SLC2A9: variants seen among roughly 807,000 people sequenced by gnomAD.
SLC2A9 encodes solute carrier family 2, facilitated glucose transporter member 9.
SLC2A9 carries 39 observed loss-of-function variants against 50.6 expected under a neutral mutation model. The observed-to-expected ratio is 0.77, with a 90% CI of 0.60 to 1.01. The LOEUF is 1.01. SLC2A9 is among the 50% of genes least tolerant of loss of function. The pLI is 0.00. For synonymous variants in SLC2A9, 324 were observed against 276.9 expected, an observed-to-expected ratio of 1.17 and a Z score of -1.69; for missense variants, 686 against 677.6, an observed-to-expected ratio of 1.01 and a Z score of -0.14.
intron 1 of SLC2A9, among the ~76,000 whole-genome samples, chr4:9,772,026 T>A (rs1716892909): frequency 6.6e-6 from 1 of 152,172 alleles, no homozygotes; most frequent in African/African-American, 2.4e-5. Flanking sequence ...AATTAGTGCA[T>A]TAATTTTTAT....
At chr4:9,866,241 T>A (rs1399024987) in intron 10 of SLC2A9, among the ~76,000 whole-genome samples, 2 of 150,980 alleles carry the variant, frequency 1.3e-5, no homozygotes, top group Non-Finnish European at 2.9e-5. Flanking sequence ...ATTATTAATA[T>A]TATTATTATT....
intron 10 of SLC2A9, among the ~76,000 whole-genome samples, chr4:9,835,815 G>A (rs1025541702): frequency 9.9e-5 from 15 of 152,184 alleles, no homozygotes; most frequent in African/African-American, 2.9e-4. Context: ...GGCCAGGCGC[G>A]GTGGCTCACA....
chr4:9,883,630 C>G (rs939096335), intron 10 of SLC2A9, among the ~76,000 whole-genome samples: 7 of 152,198 alleles, frequency 4.6e-5, no homozygotes, highest in African/African-American at 7.2e-5. Context: ...GCGGCAAGGA[C>G]TGGGCAAAGA....
At chr4:9,820,277 G>C (rs1724221598) in intron 3 of SLC2A9, among the ~76,000 whole-genome samples, 1 of 152,108 alleles carries the variant, frequency 6.6e-6, no homozygotes, top group East Asian at 1.9e-4. Context: ...ATTTTTGTGT[G>C]GGTCTATTTC....
chr4:9,916,509 G>A (rs13101683), intron 7 of SLC2A9, among the ~76,000 whole-genome samples: 2,168 of 152,302 alleles, frequency 0.014, 49 homozygotes, highest in Non-Finnish European at 0.02. Flanking sequence ...AGAAACAGTC[G>A]TGCTGATGAC....
At chr4:9,948,005 CT>C (rs1230177926) in intron 5 of SLC2A9, among the ~76,000 whole-genome samples, 2 of 152,112 alleles carry the variant, frequency 1.3e-5, no homozygotes, top group African/African-American at 4.8e-5. Flanking sequence ...TGTCCATCAC[CT>C]CGCCATACAG....
intron 2 of SLC2A9, 65 bp from the exon 3 acceptor site, chr4:9,997,006 T>G: frequency 6.3e-7 from 1 of 1,591,356 alleles, no homozygotes; most frequent in South Asian, 1.1e-5. Flanking sequence ...AGCAAGCCAG[T>G]GTACAAAACA....
At chr4:9,859,982 C>A (rs1006217760) in intron 10 of SLC2A9, among the ~76,000 whole-genome samples, 4 of 152,168 alleles carry the variant, frequency 2.6e-5, no homozygotes, top group Non-Finnish European at 5.9e-5. Flanking sequence ...AGAGCAAAAA[C>A]CTTCCTGCTG....
chr4:10,014,890 T>G (rs1762347044), intron 2 of SLC2A9, among the ~76,000 whole-genome samples: 1 of 152,096 alleles, frequency 6.6e-6, no homozygotes, highest in Admixed American at 6.6e-5. Context: ...ACATAAAACA[T>G]CAGGACCTTT....
At chr4:9,984,482 C>A (rs1406006490) in intron 4 of SLC2A9, among the ~76,000 whole-genome samples, 1 of 152,040 alleles carries the variant, frequency 6.6e-6, no homozygotes, top group East Asian at 1.9e-4. Flanking sequence ...TTATTATAGC[C>A]TTTTGAAGTA....
chr4:9,994,565 T>C (rs1487137346), intron 3 of SLC2A9, among the ~76,000 whole-genome samples: 2 of 11,366 alleles, frequency 1.8e-4, no homozygotes, highest in East Asian at 2.5e-3. Context: ...TTCCTTTTCC[T>C]TTTTTTTTTT....
intron 2 of SLC2A9, among the ~76,000 whole-genome samples, chr4:10,000,140 A>G (rs1759511923): frequency 6.6e-6 from 1 of 152,218 alleles, no homozygotes; most frequent in Non-Finnish European, 1.5e-5. Context: ...TATCTTACTC[A>G]TAGCACGGAG....
At chr4:9,794,574 G>A (rs1046636409), downstream of SLC2A9, among the ~76,000 whole-genome samples, 4 of 152,220 alleles carry the variant, frequency 2.6e-5, no homozygotes, top group African/African-American at 9.6e-5. Context: ...GAAGTGACAA[G>A]GTGGAGATTT....
At chr4:9,995,210 G>A (rs1050361458) in intron 3 of SLC2A9, among the ~76,000 whole-genome samples, 1 of 152,132 alleles carries the variant, frequency 6.6e-6, no homozygotes, top group African/African-American at 2.4e-5. Flanking sequence ...TGAGTGGCTG[G>A]AACCTTGAAG....
At chr4:9,817,423 G>A (rs930487291) in intron 3 of SLC2A9, among the ~76,000 whole-genome samples, 2 of 152,178 alleles carry the variant, frequency 1.3e-5, no homozygotes, top group African/African-American at 4.8e-5. Flanking sequence ...GAATCAAACA[G>A]ACAAGACTCC....
intron 6 of SLC2A9, among the ~76,000 whole-genome samples, chr4:9,933,963 A>C (rs1216880875): frequency 2.0e-5 from 3 of 152,056 alleles, no homozygotes; most frequent in Non-Finnish European, 4.4e-5. Flanking sequence ...AACCCTTGTG[A>C]TTGCATTGGG....
chr4:10,024,286 C>G (rs1157431865), upstream of SLC2A9, among the ~76,000 whole-genome samples: 1 of 152,158 alleles, frequency 6.6e-6, no homozygotes, highest in East Asian at 1.9e-4. Flanking sequence ...TGATTGTGTC[C>G]CCTCAGATTC....
intron 1 of SLC2A9, among the ~76,000 whole-genome samples, chr4:9,772,973 G>A (rs189081275): frequency 0.012 from 1,871 of 152,252 alleles, 20 homozygotes; most frequent in Non-Finnish European, 0.018. Context: ...GAGAGGTTAC[G>A]TCACTTGCTT....
chr4:9,926,194 G>C (rs1041178531), intron 6 of SLC2A9, among the ~76,000 whole-genome samples: 1 of 151,964 alleles, frequency 6.6e-6, no homozygotes, highest in African/African-American at 2.4e-5. Context: ...GCAGGTCTTG[G>C]AGCTGGAGAA....
Sources: gnomAD v4.1 joint callset for allele counts (sites outside exome capture counted in the v4.1 genomes callset) on GRCh38, gnomAD v4.1.1 for gene constraint, MANE v1.5 for transcripts, NCBI Gene and HGNC (gene_info 2026-07-23, HGNC 2026-07-21) for gene names.